APH1B: variants seen among roughly 807,000 people sequenced by gnomAD.
APH1B encodes gamma-secretase subunit APH-1B.
Under a neutral mutation model 28.2 loss-of-function variants are expected in APH1B, and 27 were observed. The observed-to-expected ratio is 0.96, with a 90% CI of 0.70 to 1.32. The LOEUF is 1.32. Ranked by LOEUF, APH1B falls within the 40% of genes most tolerant of loss-of-function variation. The probability of loss-of-function intolerance (pLI) is 0.00; values close to 1 mark genes in which losing one functional copy is unlikely to be tolerated. For synonymous variants in APH1B, 141 were observed against 124.6 expected (o/e 1.13, Z -0.88); for missense variants, 305 against 313.6 (o/e 0.97, Z 0.21).
At chr15:63,282,473 C>T (rs1200801912) in intron 2 of APH1B, among the ~76,000 whole-genome samples, 3 of 152,160 alleles carry the variant, frequency 2.0e-5, no homozygotes, top group African/African-American at 7.2e-5. Flanking sequence ...AACTTTCAGC[C>T]TGGCAGAGCC....
At chr15:63,297,051 A>C (rs1251296681) in intron 4 of APH1B, among the ~76,000 whole-genome samples, 4 of 152,256 alleles carry the variant, frequency 2.6e-5, no homozygotes, top group Admixed American at 6.5e-5. Context: ...GAGGAAGTCC[A>C]TTATCGACTA....
intron 3 of APH1B, among the ~76,000 whole-genome samples, chr15:63,286,979 C>G (rs1003009935): frequency 6.6e-6 from 1 of 152,180 alleles, no homozygotes; most frequent in Non-Finnish European, 1.5e-5. Context: ...CAGTTAATAT[C>G]TCTGCGTATT....
At chr15:63,288,723 C>T (rs942322914) in intron 4 of APH1B, among the ~76,000 whole-genome samples, 1 of 152,154 alleles carries the variant, frequency 6.6e-6, no homozygotes, top group Non-Finnish European at 1.5e-5. Flanking sequence ...AGCAAATTAT[C>T]TTTCTTTTGA....
chr15:63,282,876 T>TCA (rs1268792438), intron 2 of APH1B, among the ~76,000 whole-genome samples: 1 of 152,174 alleles, frequency 6.6e-6, no homozygotes, highest in South Asian at 2.1e-4. Flanking sequence ...TTTCTCTCTC[T>TCA]CACACACACA....
At position 63,299,104 on chromosome 15, in the gene APH1B, T is replaced by G. The variant is rs544226062; in HGVS notation, c.479-3241T>G. Among the ~76,000 whole-genome samples the G allele has an allele frequency of 2.0e-5, 3 of 151,812 alleles. No homozygotes were observed. The South Asian group carries it at 6.3e-4, about 32-fold the overall frequency. ...GAGGTATAGACAGAGTGAAGAAGAGTTCTGGTTTTCTTCCATAGGATGCAG... is the reference window on the plus strand; with the variant it reads ...GAGGTATAGACAGAGTGAAGAAGAGGTCTGGTTTTCTTCCATAGGATGCAG... On this transcript the variant is annotated intron_variant, in intron 4 of 5. Coordinates refer to ENST00000261879, the MANE Select transcript of APH1B (RefSeq NM_031301.4).
intron 3 of APH1B, 92 bp downstream of exon 3, chr15:63,286,720 A>G (rs2038450932): frequency 8.2e-7 from 1 of 1,212,158 alleles, no homozygotes; most frequent in Non-Finnish European, 1.2e-6. Context: ...GATTTCAAGT[A>G]GTTGTTTATT....
At chr15:63,293,686 C>A (rs983203967) in intron 4 of APH1B, among the ~76,000 whole-genome samples, 1 of 152,020 alleles carries the variant, frequency 6.6e-6, no homozygotes, top group East Asian at 1.9e-4. Context: ...TTAGGAGAGA[C>A]AGGGCTTCGC....
chr15:63,299,313 T>C (rs1404008535), intron 4 of APH1B, among the ~76,000 whole-genome samples: 1 of 152,144 alleles, frequency 6.6e-6, no homozygotes. Context: ...AATGATGTCT[T>C]GAGGATGCTT....
Position 63,287,455 on chromosome 15 carries a change from A to T in APH1B, c.387A>T (p.Gly129=), listed in dbSNP as rs925884400. The T allele has an allele frequency of 5.0e-6, 8 of 1,613,902 alleles. No individual in the cohort carries two copies. In the African/African-American group the frequency reaches 1.1e-4, roughly 22 times the overall value. The change falls in exon 4 of 6, where the codon GGA becomes GGT. Residue 129 remains glycine (G), a synonymous_variant. Transcript: ENST00000261879. ...GCTTGGGCTTTGGAATCATGAGTGG[A>T]GTATTTTCCTTTGTGAATACCCTAT... is the stretch of plus-strand genomic sequence containing the variant. ...VSGLGFGIMS[G]VFSFVNTLSD... is the part of the protein sequence containing the mutation.
intron 4 of APH1B, among the ~76,000 whole-genome samples, chr15:63,298,794 C>T (rs12913281): frequency 0.066 from 10,035 of 151,770 alleles, 458 homozygotes; most frequent in Middle Eastern, 0.16. Context: ...TCCAAAGCCA[C>T]GCAGTGGAGC....
At chr15:63,287,665 A>G (rs988818465) in intron 4 of APH1B, 119 bp downstream of exon 4, 1 of 1,327,374 alleles carries the variant, frequency 7.5e-7, no homozygotes, top group Admixed American at 2.3e-5. Flanking sequence ...TTAAAGGCGA[A>G]ATACTCTGAG....
At chr15:63,292,867 G>A (rs2038520018) in intron 4 of APH1B, among the ~76,000 whole-genome samples, 2 of 152,252 alleles carry the variant, frequency 1.3e-5, no homozygotes, top group South Asian at 4.1e-4. Context: ...TTCAGGCAGT[G>A]TGTAAGCAGG....
rs181315092 is a variant in APH1B at position 63,306,603 on chromosome 15, G to T, written c.*822G>T. The T allele has an allele frequency of 2.4e-4, 36 of 152,402 alleles. No individual in the cohort carries two copies. Among genetic ancestry groups the T allele is most frequent in the African/African-American group, 6.7e-4 (28 of 41,600 alleles). 9.4% of individuals were successfully genotyped at this position (152,402 alleles called of 1,614,324 possible). A position where few individuals can be genotyped will look rare whatever the true frequency, so the allele number is the denominator to read the frequency against. On this transcript the variant is annotated 3_prime_UTR_variant, in exon 6 of 6. Coordinates refer to ENST00000261879, the MANE Select transcript of APH1B (RefSeq NM_031301.4). ...CTCTGCCCCAAGGCCGTTGGCTGCA[G>T]CGTTCACCATCTGAGTGCCAGTTGC...
intron 4 of APH1B, among the ~76,000 whole-genome samples, chr15:63,296,166 A>G (rs773343535): frequency 6.6e-6 from 1 of 152,198 alleles, no homozygotes; most frequent in Non-Finnish European, 1.5e-5. Context: ...CCCGACTCCC[A>G]CTTGTGCCAG....
intron 2 of APH1B, among the ~76,000 whole-genome samples, chr15:63,286,080 A>C (rs2038442152): frequency 6.6e-6 from 1 of 152,200 alleles, no homozygotes; most frequent in Admixed American, 6.5e-5. Context: ...AGTGTAGTTT[A>C]GGTTCTACAG....
chr15:63,279,487 C>CT (rs1256697284), intron 2 of APH1B, among the ~76,000 whole-genome samples, 156 bp downstream of exon 2: 1 of 152,008 alleles, frequency 6.6e-6, no homozygotes, highest in Non-Finnish European at 1.5e-5. Flanking sequence ...CTTGAGTGTT[C>CT]TTTTATCTTG....
At chr15:63,293,871 C>A (rs2038533767) in intron 4 of APH1B, among the ~76,000 whole-genome samples, 1 of 152,038 alleles carries the variant, frequency 6.6e-6, no homozygotes, top group African/African-American at 2.4e-5. Context: ...CTCAAACAAT[C>A]CTGCCACTTC....
At chr15:63,301,902 C>T (rs1369854386) in intron 4 of APH1B, among the ~76,000 whole-genome samples, 2 of 152,220 alleles carry the variant, frequency 1.3e-5, no homozygotes, top group East Asian at 1.9e-4. Context: ...TGAGCCAGAG[C>T]GCCTGGCCAT....
chr15:63,302,121 G>A (rs752834449), intron 4 of APH1B, among the ~76,000 whole-genome samples: 1 of 152,158 alleles, frequency 6.6e-6, no homozygotes, highest in Admixed American at 6.5e-5. Flanking sequence ...GATCTTAGGC[G>A]ACCTTTTATT....
Sources: gnomAD v4.1 joint callset for allele counts (sites outside exome capture counted in the v4.1 genomes callset) on GRCh38, gnomAD v4.1.1 for gene constraint, MANE v1.5 for transcripts, NCBI Gene and HGNC (gene_info 2026-07-23, HGNC 2026-07-21) for gene names.